Variants in PGM3 observed in about 807,000 individuals in gnomAD.
PGM3 encodes the protein phosphoglucomutase 3, also known as phosphoacetylglucosamine mutase.
A neutral mutation model predicts 66.2 loss-of-function variants in PGM3; 40 were observed. The ratio of observed to expected loss-of-function variants is 0.60; its 90% confidence interval spans 0.47 to 0.79. The LOEUF (loss-of-function observed/expected upper bound fraction) is 0.79. Among genes scored for constraint, PGM3 ranks in the 30% least tolerant of loss-of-function variants. The pLI is 0.00. For synonymous variants in PGM3, 191 were observed against 224.2 expected, an observed-to-expected ratio of 0.85 and a Z score of 1.32; for missense variants, 537 against 643.4, an observed-to-expected ratio of 0.83 and a Z score of 1.79.
chr6:83,158,602 T>C (rs201998300), downstream of PGM3: 1 of 1,607,828 alleles, frequency 6.2e-7, no homozygotes, highest in Middle Eastern at 1.7e-4. Context: ...AGGAACTCAC[T>C]GCTGATGAAG....
chr6:83,152,280 A>G, the PGM3 span: 16 of 1,528,120 alleles, frequency 1.0e-5, no homozygotes, highest in Non-Finnish European at 1.4e-5. Flanking sequence ...ATTTTCTCTT[A>G]TTTATAGATA....
At position 83,193,230 on chromosome 6, in the gene PGM3, A is replaced by G. The variant is rs1789308640; in HGVS notation, c.-54T>C. ...CACGCAGCGGAGAAGCGCCCAAGCA[A>G]CAACGTCTGCACCCAAACCCAGTCC... On this transcript the variant is annotated 5_prime_UTR_variant, in exon 1 of 13. Coordinates refer to ENST00000513973, the MANE Select transcript of PGM3 (RefSeq NM_015599.3). 6.6e-6 allele frequency: 1 copy of G among 152,328 alleles called. No homozygotes were observed. 9.4% of individuals were successfully genotyped at this position (152,328 alleles called of 1,614,324 possible).
chr6:83,169,102 C>A lies in PGM3; in HGVS notation c.*132G>T, dbSNP rs1376168397. ...TTATTCTGTTAGTGTTTAAGAAAAA[C>A]AGATCTAGAGACAATCCAGTAGGCT... On this transcript the variant is annotated 3_prime_UTR_variant, in exon 13 of 13. Transcript: ENST00000513973. The A allele has an allele frequency of 2.1e-6, 3 of 1,454,158 alleles. No homozygotes were observed. The highest frequency in any genetic ancestry group is 9.0e-7 in the Non-Finnish European group (1 of 1,107,082). 90.1% of individuals were successfully genotyped at this position (1,454,158 alleles called of 1,614,324 possible).
downstream of PGM3, among the ~76,000 whole-genome samples, chr6:83,161,849 G>C (rs561161198): frequency 6.6e-6 from 1 of 151,992 alleles, no homozygotes; most frequent in Admixed American, 6.6e-5. Context: ...TATATTCTCA[G>C]ATGTGCACAA....
chr6:83,177,118 C>T (rs1465506722), intron 8 of PGM3, among the ~76,000 whole-genome samples: 1 of 152,074 alleles, frequency 6.6e-6, no homozygotes, highest in African/African-American at 2.4e-5. Flanking sequence ...CATCAGCTGG[C>T]ACATACTGAC....
intron 4 of PGM3, among the ~76,000 whole-genome samples, chr6:83,183,367 C>A (rs909634553): frequency 5.3e-5 from 8 of 152,116 alleles, no homozygotes; most frequent in African/African-American, 1.9e-4. Flanking sequence ...CAAAACATAC[C>A]CGAAGGCAAG....
Position 83,179,916 on chromosome 6 carries a change from T to C in PGM3, c.839A>G (p.Asp280Gly). ...ATCATGGTAGTAATAAACAATTCTG[T>C]CTGCATCTCCATCAAAAGAACAGCA... is the stretch of plus-strand genomic sequence containing the variant. Reference protein sequence around the residue: ...ERCCSFDGDADRIVYYYHDAD... With the variant: ...ERCCSFDGDAGRIVYYYHDAD... Residue 280 changes from aspartate (D) to glycine (G), a missense_variant, in exon 7 of 13, where the codon GAC (aspartate) becomes GGC (glycine). Coordinates refer to ENST00000513973, the MANE Select transcript of PGM3 (RefSeq NM_015599.3). The C allele has an allele frequency of 6.2e-7, 1 of 1,612,186 alleles. No individual in the cohort carries two copies. Among genetic ancestry groups the C allele is most frequent in the Admixed American group, 1.7e-5 (1 of 59,838 alleles).
intron 3 of PGM3, 99 bp downstream of exon 3, chr6:83,188,515 C>T: frequency 2.1e-6 from 2 of 954,004 alleles, no homozygotes; most frequent in South Asian, 1.6e-5. Flanking sequence ...AGGGTAGTTC[C>T]ACTTTACTTC....
In PGM3 at chr6:83,178,716, T is replaced by C. The variant is rs1208720613; in HGVS notation, c.986A>G (p.Tyr329Cys). Reference protein sequence around the residue: ...SLNIGVVQTAYANGSSTRYLE... With the variant: ...SLNIGVVQTACANGSSTRYLE... ...ATACCGTGTTGAACTTCCATTTGCA[T>C]ATGCAGTTTGTACAACACCAATATT... Residue 329 changes from tyrosine to cysteine, a missense_variant, in exon 8 of 13, where the codon TAT becomes TGT. By Grantham distance (194) the Tyr-to-Cys change is radical (BLOSUM62 -2). Transcript: ENST00000513973. 6.2e-7 allele frequency: 1 copy of C among 1,605,478 alleles called. No homozygotes were observed. Among genetic ancestry groups the C allele is most frequent in the Admixed American group, 1.7e-5 (1 of 60,004 alleles).
the PGM3 span, among the ~76,000 whole-genome samples, chr6:83,149,226 A>C: frequency 3.3e-5 from 5 of 152,158 alleles, no homozygotes; most frequent in Admixed American, 3.3e-4. Flanking sequence ...CCCCAAACCT[A>C]AACAGCCTGG....
At chr6:83,148,718 T>C in the PGM3 span, 75 of 1,323,572 alleles carry the variant, frequency 5.7e-5, no homozygotes, top group Non-Finnish European at 7.6e-5. Context: ...TAGAAAACCA[T>C]AGTTTATTGT....
chr6:83,159,389 T>C (rs573016972), downstream of PGM3, among the ~76,000 whole-genome samples: 2 of 151,824 alleles, frequency 1.3e-5, no homozygotes, highest in South Asian at 4.2e-4. Context: ...TTCCCCCACC[T>C]CAGCCTCCTG....
At chr6:83,157,926 G>T (rs556340085), downstream of PGM3, among the ~76,000 whole-genome samples, 1 of 152,188 alleles carries the variant, frequency 6.6e-6, no homozygotes, top group South Asian at 2.1e-4. Flanking sequence ...AATGGAAAAG[G>T]AATCTCTCTC....
chr6:83,171,554 A>G (rs683792), intron 11 of PGM3, among the ~76,000 whole-genome samples: 52,742 of 152,066 alleles, frequency 0.35, 10,644 homozygotes, highest in African/African-American at 0.56. Context: ...GCAATGGCAT[A>G]ATCTCGGCTC....
Position 83,167,377 on chromosome 6 carries a change from G to A in PGM3, c.*1857C>T. 5.1e-6 allele frequency: 5 copies of A among 984,416 alleles called. No individual in the cohort carries two copies. Among genetic ancestry groups the A allele is most frequent in the Non-Finnish European group, 6.0e-6 (5 of 828,960 alleles). The allele number at this position is 984,416 out of a possible 1,614,324, so 61.0% of individuals were successfully genotyped here. A position where few individuals can be genotyped will look rare whatever the true frequency, so the allele number is the denominator to read the frequency against. ...ACAGTAATTATTCACTTTGGACACT[G>A]CTACCATCATGGCAAATTTAGGCCA... On this transcript the variant is annotated 3_prime_UTR_variant, in exon 13 of 13. Coordinates refer to ENST00000513973, the MANE Select transcript of PGM3 (RefSeq NM_015599.3).
At chr6:83,164,781 A>C, downstream of PGM3, 1 of 1,390,514 alleles carries the variant, frequency 7.2e-7, no homozygotes, top group African/African-American at 1.4e-5. Context: ...TTGAGACACA[A>C]ACCCAGGTCT....
intron 8 of PGM3, among the ~76,000 whole-genome samples, chr6:83,176,720 G>A (rs1787799183): frequency 6.6e-6 from 1 of 152,202 alleles, no homozygotes; most frequent in African/African-American, 2.4e-5. Context: ...AACTGCAAAA[G>A]AAAGATCAGC....
chr6:83,156,185 G>A (rs1782745002), downstream of PGM3: 5 of 1,147,862 alleles, frequency 4.4e-6, no homozygotes, highest in Admixed American at 1.1e-4. Flanking sequence ...ATACTAAGTT[G>A]GGGTAAAATA....
downstream of PGM3, among the ~76,000 whole-genome samples, chr6:83,157,882 G>A (rs984590586): frequency 3.9e-5 from 6 of 152,156 alleles, no homozygotes; most frequent in African/African-American, 1.4e-4. Context: ...TCCTCAGAAT[G>A]ATTTGGGGAG....
Sources: gnomAD v4.1 joint callset for allele counts (sites outside exome capture counted in the v4.1 genomes callset) on GRCh38, gnomAD v4.1.1 for gene constraint, MANE v1.5 for transcripts, NCBI Gene and HGNC (gene_info 2026-07-23, HGNC 2026-07-21) for gene names.